Variants in PDE1A observed in about 807,000 individuals in gnomAD.
The protein encoded by PDE1A is phosphodiesterase 1A, also known as dual specificity calcium/calmodulin-dependent 3',5'-cyclic nucleotide phosphodiesterase 1A.
Under a neutral mutation model 61.7 loss-of-function variants are expected in PDE1A, and 35 were observed. The observed-to-expected ratio is 0.57, with a 90% CI of 0.43 to 0.75. The LOEUF (loss-of-function observed/expected upper bound fraction) is 0.75, where lower values mean the gene tolerates loss of function less well. Ranked by LOEUF, PDE1A falls within the 30% of genes least tolerant of loss-of-function variation. The pLI, the probability that PDE1A is intolerant of heterozygous loss-of-function variation, is 0.00. For missense variants in PDE1A, 597 were observed against 630.6 expected, an observed-to-expected ratio of 0.95 and a Z score of 0.57; for synonymous variants, 232 against 213.2, an observed-to-expected ratio of 1.09 and a Z score of -0.77.
At chr2:182,146,806 A>C (rs771884595), downstream of PDE1A, among the ~76,000 whole-genome samples, 1 of 152,172 alleles carries the variant, frequency 6.6e-6, no homozygotes, top group Non-Finnish European at 1.5e-5. Flanking sequence ...ATTTTTAAAG[A>C]TTGAAAATTT....
chr2:182,653,861 T>G, the PDE1A span, among the ~76,000 whole-genome samples: 12 of 152,282 alleles, frequency 7.9e-5, no homozygotes, highest in African/African-American at 2.9e-4. Context: ...TTCTCCCAGC[T>G]TCTGACACAA....
chr2:182,170,359 A>T (rs1475780858), intron 13 of PDE1A, among the ~76,000 whole-genome samples: 2 of 152,114 alleles, frequency 1.3e-5, no homozygotes, highest in African/African-American at 4.8e-5. Context: ...ATAACTTTCA[A>T]CATTTAAAAA....
the PDE1A span, among the ~76,000 whole-genome samples, chr2:182,548,058 G>A: frequency 6.6e-5 from 10 of 152,270 alleles, no homozygotes; most frequent in African/African-American, 2.4e-4. Flanking sequence ...CCTATCACAA[G>A]TTTAAAATAA....
the PDE1A span, among the ~76,000 whole-genome samples, chr2:182,655,878 A>C: frequency 6.6e-6 from 1 of 152,190 alleles, no homozygotes; most frequent in Non-Finnish European, 1.5e-5. Flanking sequence ...TCTCCTTTGC[A>C]ACTTGACCAC....
intron 1 of PDE1A, among the ~76,000 whole-genome samples, chr2:182,379,019 C>T (rs1700576471): frequency 6.6e-6 from 1 of 152,076 alleles, no homozygotes; most frequent in Admixed American, 6.5e-5. Context: ...TTATTTTTGA[C>T]AAAACTTTTA....
chr2:182,169,947 CTCTCTCTT>C (rs1446096622), intron 13 of PDE1A, among the ~76,000 whole-genome samples: 7 of 103,082 alleles, frequency 6.8e-5, no homozygotes, highest in Admixed American at 4.6e-4. Flanking sequence ...CACTCTCCCT[CTCTCTCTT>C]TCTCTTTCAT....
At chr2:182,331,339 AG>A (rs2124945600) in intron 1 of PDE1A, among the ~76,000 whole-genome samples, 1 of 152,372 alleles carries the variant, frequency 6.6e-6, no homozygotes, top group South Asian at 2.1e-4. Flanking sequence ...TGGGGCATTT[AG>A]CCCATTTACA....
At chr2:182,522,172 T>A in intron 2 of PDE1A, 1 of 896,954 alleles carries the variant, frequency 1.1e-6, no homozygotes, top group South Asian at 1.6e-5. Flanking sequence ...CGAGAGAAAA[T>A]CTTTCTAAAG....
intron 1 of PDE1A, among the ~76,000 whole-genome samples, chr2:182,316,307 C>T (rs181818572): frequency 8.9e-4 from 136 of 152,164 alleles, no homozygotes; most frequent in Non-Finnish European, 1.8e-3. Flanking sequence ...TTAAATTATA[C>T]GTTTAAACTT....
At chr2:182,372,563 T>C (rs1700177515) in intron 1 of PDE1A, among the ~76,000 whole-genome samples, 1 of 152,236 alleles carries the variant, frequency 6.6e-6, no homozygotes, top group African/African-American at 2.4e-5. Context: ...AAGTACTTTC[T>C]AATTTAGTGA....
At chr2:182,314,214 A>G (rs995886704) in intron 1 of PDE1A, 1 of 152,230 alleles carries the variant, frequency 6.6e-6, no homozygotes, top group Non-Finnish European at 1.5e-5. Flanking sequence ...ATAAAAATGA[A>G]TGAATAATTG....
chr2:182,469,901 A>G (rs1275058762), intron 2 of PDE1A, among the ~76,000 whole-genome samples: 1 of 151,846 alleles, frequency 6.6e-6, no homozygotes, highest in African/African-American at 2.4e-5. Context: ...GGCCAGTAGG[A>G]GCAATCAGAA....
At chr2:182,657,138 G>A in the PDE1A span, among the ~76,000 whole-genome samples, 5 of 152,096 alleles carry the variant, frequency 3.3e-5, no homozygotes, top group Non-Finnish European at 7.4e-5. Context: ...CAGGAGAATC[G>A]CTTGAACCCG....
At chr2:182,167,784 G>A (rs1691733021), downstream of PDE1A, 2 of 463,746 alleles carry the variant, frequency 4.3e-6, no homozygotes, top group South Asian at 1.8e-4. Flanking sequence ...TGTTTTCAAA[G>A]ATATCTATCC....
At chr2:182,237,640 G>A (rs1351482674) in intron 3 of PDE1A, among the ~76,000 whole-genome samples, 1 of 152,162 alleles carries the variant, frequency 6.6e-6, no homozygotes, top group Admixed American at 6.5e-5. Flanking sequence ...TACAATATAT[G>A]ATTACAAACA....
intron 2 of PDE1A, among the ~76,000 whole-genome samples, chr2:182,244,999 T>C (rs1213490170): frequency 6.6e-6 from 1 of 152,342 alleles, no homozygotes; most frequent in East Asian, 1.9e-4. Flanking sequence ...TTCATCTGCC[T>C]ATGCATGCAT....
chr2:182,442,633 G>A (rs893879630), intron 2 of PDE1A, among the ~76,000 whole-genome samples: 1 of 151,946 alleles, frequency 6.6e-6, no homozygotes. Context: ...TGAATAAAGA[G>A]AATAAAGACA....
intron 2 of PDE1A, among the ~76,000 whole-genome samples, chr2:182,506,764 C>A (rs1050092057): frequency 1.2e-4 from 19 of 152,148 alleles, no homozygotes; most frequent in African/African-American, 4.6e-4. Context: ...GGGAACTGGG[C>A]CTTCCCATGC....
chr2:182,194,078 A>G (rs1283078226), intron 10 of PDE1A, among the ~76,000 whole-genome samples: 1 of 152,130 alleles, frequency 6.6e-6, no homozygotes, highest in Non-Finnish European at 1.5e-5. Context: ...TTCCTTCCAA[A>G]TAACTTGCAT....
Sources: allele counts gnomAD v4.1 joint callset (sites outside exome capture counted in the v4.1 genomes callset), GRCh38; gene constraint gnomAD v4.1.1; transcripts MANE v1.5; gene names NCBI Gene and HGNC (gene_info 2026-07-23, HGNC 2026-07-21).